TAF3: variants seen among roughly 807,000 people sequenced by gnomAD.
The protein encoded by TAF3 is transcription initiation factor TFIID subunit 3.
Under a neutral mutation model 80.6 loss-of-function variants are expected in TAF3, and 7 were observed. That is an observed-to-expected ratio of 0.09 (90% CI 0.05 to 0.16). The LOEUF is 0.16. TAF3 is among the 10% of genes least tolerant of loss of function. TAF3 has a pLI of 1.00. For synonymous variants in TAF3, 444 were observed against 446.1 expected (o/e 1.00, Z 0.06); for missense variants, 921 against 1,140.2 (o/e 0.81, Z 2.77).
intron 2 of TAF3, among the ~76,000 whole-genome samples, chr10:7,916,846 C>T (rs1837716086): frequency 6.6e-6 from 1 of 152,056 alleles, no homozygotes; most frequent in Non-Finnish European, 1.5e-5. Flanking sequence ...CTATCTGAGC[C>T]ATATTGTTTA....
At chr10:7,879,064 C>T (rs1195346224) in intron 2 of TAF3, among the ~76,000 whole-genome samples, 1 of 152,042 alleles carries the variant, frequency 6.6e-6, no homozygotes, top group African/African-American at 2.4e-5. Context: ...CATTTAGGCT[C>T]TTTCCAATAC....
intron 2 of TAF3, among the ~76,000 whole-genome samples, chr10:7,943,686 G>A (rs1157375053): frequency 6.6e-6 from 1 of 152,168 alleles, no homozygotes; most frequent in Non-Finnish European, 1.5e-5. Flanking sequence ...TGTGCCTCTT[G>A]GCTTTTTCAC....
Position 7,860,728 on chromosome 10 carries a change from A to T in TAF3, c.409+36168A>T, listed in dbSNP as rs968684495. On this transcript the variant is annotated intron_variant, in intron 2 of 6. Coordinates refer to ENST00000344293, the MANE Select transcript of TAF3 (RefSeq NM_031923.4). ...TTTTTAGTGGGTTTTAATCCATCTC[A>T]ATTATTGTCCATATTGGAGTCCAGT... Among the ~76,000 whole-genome samples, 3 of 152,138 alleles carry T rather than the reference A, an allele frequency of 2.0e-5. No homozygotes were observed. In the East Asian group the frequency reaches 5.8e-4, roughly 29 times the overall value.
chr10:7,948,649 T>A (rs1282183712), intron 2 of TAF3, among the ~76,000 whole-genome samples: 2 of 152,180 alleles, frequency 1.3e-5, no homozygotes, highest in African/African-American at 4.8e-5. Context: ...AGCAGCAGAT[T>A]TTACAGGCTG....
chr10:7,833,202 A>G (rs752180883), intron 2 of TAF3, among the ~76,000 whole-genome samples: 1 of 152,154 alleles, frequency 6.6e-6, no homozygotes, highest in East Asian at 1.9e-4. Flanking sequence ...AATCTTTTCA[A>G]ATCTTTTGGG....
chr10:7,938,277 AAG>A, intron 2 of TAF3, among the ~76,000 whole-genome samples: 1 of 152,110 alleles, frequency 6.6e-6, no homozygotes, highest in East Asian at 1.9e-4. Flanking sequence ...TGGGGATAAG[AAG>A]ACAGCATTGG....
intron 4 of TAF3, among the ~76,000 whole-genome samples, chr10:8,003,228 A>G (rs1287665186): frequency 6.6e-6 from 1 of 150,694 alleles, no homozygotes; most frequent in Non-Finnish European, 1.5e-5. Context: ...CTTTTCTTTT[A>G]TCAGACCAAG....
chr10:7,904,919 G>A (rs568545335), intron 2 of TAF3, among the ~76,000 whole-genome samples: 2 of 152,040 alleles, frequency 1.3e-5, no homozygotes, highest in East Asian at 1.9e-4. Flanking sequence ...TCCACCACCC[G>A]CTCCTCCTCC....
chr10:8,005,485 A>AT (rs1831982642), intron 4 of TAF3, among the ~76,000 whole-genome samples: 1 of 152,246 alleles, frequency 6.6e-6, no homozygotes, highest in African/African-American at 2.4e-5. Flanking sequence ...CCTTATGGGT[A>AT]TAGCCCATTG....
At chr10:7,849,401 A>G (rs1183569912) in intron 2 of TAF3, among the ~76,000 whole-genome samples, 1 of 152,188 alleles carries the variant, frequency 6.6e-6, no homozygotes, top group Non-Finnish European at 1.5e-5. Flanking sequence ...AATATTTGGG[A>G]TATGTTATGC....
intron 2 of TAF3, among the ~76,000 whole-genome samples, chr10:7,880,817 G>A (rs945952766): frequency 3.9e-5 from 6 of 151,984 alleles, no homozygotes; most frequent in South Asian, 2.1e-4. Context: ...TTGATGATGC[G>A]TGCAACAGAT....
chr10:7,938,435 A>G (rs1462266491), intron 2 of TAF3, among the ~76,000 whole-genome samples: 1 of 152,214 alleles, frequency 6.6e-6, no homozygotes, highest in African/African-American at 2.4e-5. Flanking sequence ...AATGGTGATT[A>G]CAGGAGATTT....
chr10:7,960,054 C>T (rs550572185), intron 2 of TAF3, among the ~76,000 whole-genome samples: 1 of 152,300 alleles, frequency 6.6e-6, no homozygotes, highest in Non-Finnish European at 1.5e-5. Flanking sequence ...GAGCAGGATG[C>T]ACCATAACAT....
At chr10:7,988,054 A>G (rs1263808122) in intron 4 of TAF3, among the ~76,000 whole-genome samples, 2 of 152,196 alleles carry the variant, frequency 1.3e-5, no homozygotes, top group East Asian at 3.8e-4. Flanking sequence ...AATATTATGA[A>G]TTTAGTCATA....
intron 2 of TAF3, among the ~76,000 whole-genome samples, chr10:7,890,844 G>A (rs1034468845): frequency 6.6e-6 from 1 of 152,044 alleles, no homozygotes; most frequent in East Asian, 1.9e-4. Context: ...CAAAGCTTTC[G>A]ATTTAGGTTT....
At chr10:7,986,990 T>G (rs1588577574) in intron 4 of TAF3, among the ~76,000 whole-genome samples, 1 of 152,174 alleles carries the variant, frequency 6.6e-6, no homozygotes, top group East Asian at 1.9e-4. Flanking sequence ...GGTTAATCAC[T>G]GCTGACTGTG....
intron 4 of TAF3, among the ~76,000 whole-genome samples, chr10:7,983,116 G>A (rs956103842): frequency 1.3e-5 from 2 of 152,188 alleles, no homozygotes; most frequent in Non-Finnish European, 2.9e-5. Flanking sequence ...TTCTCATCTG[G>A]CCTCTGCGGT....
At chr10:7,898,545 CAAAAAAAAAAAA>C (rs35137273) in intron 2 of TAF3, among the ~76,000 whole-genome samples, 3 of 96,200 alleles carry the variant, frequency 3.1e-5, no homozygotes, top group East Asian at 2.7e-4. Flanking sequence ...GACTCTGTCT[CAAAAAAAAAAAA>C]AAAAAAAAAA....
At chr10:7,953,818 A>G (rs1196794260) in intron 2 of TAF3, among the ~76,000 whole-genome samples, 1 of 152,056 alleles carries the variant, frequency 6.6e-6, no homozygotes, top group African/African-American at 2.4e-5. Context: ...AGAGCTCTCC[A>G]TAGTGAGACT....
Sources: allele counts gnomAD v4.1 joint callset (sites outside exome capture counted in the v4.1 genomes callset), GRCh38; gene constraint gnomAD v4.1.1; transcripts MANE v1.5; gene names NCBI Gene and HGNC (gene_info 2026-07-23, HGNC 2026-07-21).